Variants in AKAP11 observed in about 807,000 individuals in gnomAD.
AKAP11 encodes the protein A-kinase anchor protein 11.
AKAP11 carries 36 observed loss-of-function variants against 146.1 expected under a neutral mutation model. The observed-to-expected ratio is 0.25, with a 90% CI of 0.19 to 0.33. The LOEUF (loss-of-function observed/expected upper bound fraction) is 0.33. AKAP11 is among the 10% of genes least tolerant of loss of function. AKAP11 has a pLI of 1.00. For missense variants in AKAP11, 2,201 were observed against 2,197.0 expected, an observed-to-expected ratio of 1.00 and a Z score of -0.04; for synonymous variants, 780 against 786.5, an observed-to-expected ratio of 0.99 and a Z score of 0.14.
At position 42,299,591 on chromosome 13, in the gene AKAP11, A is replaced by G. The variant is rs758275477; in HGVS notation, c.845A>G (p.Tyr282Cys). The G allele has an allele frequency of 3.7e-6, 6 of 1,613,914 alleles. No homozygotes were observed. The highest frequency in any genetic ancestry group is 2.2e-5 in the South Asian group (2 of 91,084). ...ISEPWTQRSF[Y>C]RSSNASDKDS... ...GAGCCTTGGACCCAAAGGAGTTTCT[A>G]TAGGTCATCTAATGCTTCAGATAAA... The change falls in exon 8 of 13, where the codon TAT (tyrosine) becomes TGT (cysteine). Residue 282 changes from tyrosine to cysteine, a missense_variant. This residue lies in a region of AKAP11 where 331 missense variants were observed against 347.4 expected (regional missense o/e 0.95). Transcript: ENST00000025301.
At chr13:42,278,129 A>G (rs1366450289) in intron 1 of AKAP11, among the ~76,000 whole-genome samples, 1 of 152,194 alleles carries the variant, frequency 6.6e-6, no homozygotes, top group African/African-American at 2.4e-5. Flanking sequence ...CTGACCCAAA[A>G]TGTTAGTAAT....
chr13:42,293,084 A>G (rs1384860101), intron 4 of AKAP11, among the ~76,000 whole-genome samples: 1 of 152,188 alleles, frequency 6.6e-6, no homozygotes, highest in African/African-American at 2.4e-5. Flanking sequence ...ATATATCCAT[A>G]CTTCATCATC....
At position 42,302,782 on chromosome 13, in the gene AKAP11, G is replaced by T. The variant is rs144759802; in HGVS notation, c.4036G>T (p.Ala1346Ser). The T allele has an allele frequency of 6.8e-6, 11 of 1,613,962 alleles. No individual in the cohort carries two copies. The African/African-American group carries it at 1.5e-4, about 22-fold the overall frequency. ...CTGTGAAAGTGTGACAGATGAATAT[G>T]CAGGTCACCTTATTCAGATACTAAA... is the stretch of plus-strand genomic sequence containing the variant. ...PSCESVTDEY[A>S]GHLIQILKQE... is the part of the protein sequence containing the mutation. The change falls in exon 8 of 13, where the codon GCA becomes TCA. Residue 1346 changes from alanine (A) to serine (S), a missense_variant. Transcript: ENST00000025301.
chr13:42,292,983 A>C (rs1959286259), intron 4 of AKAP11, among the ~76,000 whole-genome samples: 1 of 152,210 alleles, frequency 6.6e-6, no homozygotes, highest in Non-Finnish European at 1.5e-5. Context: ...ATAAGATAAT[A>C]TACCTTGCTC....
chr13:42,298,334 A>G (rs578235749), intron 6 of AKAP11, among the ~76,000 whole-genome samples, 199 bp from the exon 7 acceptor site: 1 of 152,212 alleles, frequency 6.6e-6, no homozygotes, highest in Admixed American at 6.5e-5. Flanking sequence ...ATAAAAGAAG[A>G]TGGGAGAAAA....
rs377394232 is a variant in AKAP11, at chr13:42,300,061, G to T, written c.1315G>T (p.Ala439Ser). The change falls in exon 8 of 13, where the codon GCA (alanine) becomes TCA (serine). Residue 439 changes from alanine (A) to serine (S), a missense_variant. By Grantham distance (99) the Ala-to-Ser change is moderately conservative. Around this residue, in one of 3 missense-constraint regions of AKAP11, gnomAD observed 1,867 missense variants for 1,833.5 expected, o/e 1.02. Transcript: ENST00000025301. ...DAPDSPRPVK[A>S]SREDSGLFSP... ...TCCGGATTCTCCTCGCCCAGTGAAG[G>T]CATCAAGGGAAGATAGTGGTTTATT... 6 of 1,613,890 alleles carry T rather than the reference G, an allele frequency of 3.7e-6. No homozygotes were observed. Among genetic ancestry groups the T allele is most frequent in the Non-Finnish European group, 5.1e-6 (6 of 1,179,816 alleles).
At chr13:42,281,654 G>A (rs550243066) in intron 1 of AKAP11, among the ~76,000 whole-genome samples, 1 of 152,108 alleles carries the variant, frequency 6.6e-6, no homozygotes, top group African/African-American at 2.4e-5. Flanking sequence ...AAACACCCAT[G>A]ATTGTATCTA....
chr13:42,272,595 CGCGTGCTTAGTGTGTGTTCGTGGTGT>C (rs1168082061), intron 1 of AKAP11, among the ~76,000 whole-genome samples: 2 of 149,674 alleles, frequency 1.3e-5, no homozygotes, highest in Admixed American at 6.6e-5. Context: ...GTGCGTGGTG[CGCGTGCTTAGTGTGTGTTCGTGGTGT>C]GCGCACAGGA....
chr13:42,311,006 AAAG>A (rs1451255519), intron 9 of AKAP11, among the ~76,000 whole-genome samples: 1 of 136,668 alleles, frequency 7.3e-6, no homozygotes, highest in Non-Finnish European at 1.6e-5. Flanking sequence ...TTTGATCAGA[AAAG>A]AACTGGTCTC....
At chr13:42,271,749 A>G (rs1380277183), upstream of AKAP11, among the ~76,000 whole-genome samples, 1 of 152,036 alleles carries the variant, frequency 6.6e-6, no homozygotes, top group East Asian at 1.9e-4. Flanking sequence ...GGAAGCGCGC[A>G]AGACGTCCGC....
intron 3 of AKAP11, among the ~76,000 whole-genome samples, chr13:42,288,134 C>G (rs1019194686): frequency 4.6e-5 from 7 of 152,148 alleles, no homozygotes; most frequent in Non-Finnish European, 1.0e-4. Context: ...AGACACTTCC[C>G]TATTGGCTAC....
intron 3 of AKAP11, 80 bp from the exon 4 acceptor site, chr13:42,292,301 ACTAT>A (rs1594318301): frequency 8.5e-6 from 6 of 707,414 alleles, no homozygotes; most frequent in East Asian, 5.4e-5. Context: ...AGAATGAGTG[ACTAT>A]CTAAAACATC....
At chr13:42,305,144 T>C (rs1960185815) in intron 8 of AKAP11, among the ~76,000 whole-genome samples, 1 of 152,224 alleles carries the variant, frequency 6.6e-6, no homozygotes, top group Non-Finnish European at 1.5e-5. Flanking sequence ...CTTGTGTTAT[T>C]AGTTGATAGG....
rs113925210 is a variant in AKAP11 at position 42,300,415 on chromosome 13, C to T, written c.1669C>T (p.Leu557Phe). ...KDSIQKFAAD[L>F]VEKSFGSAFK... Reference sequence around the variant, plus strand: ...TAGCATTCAAAAATTTGCAGCAGATCTTGTGGAAAAAAGTTTTGGCAGTGC... The same window carrying T: ...TAGCATTCAAAAATTTGCAGCAGATTTTGTGGAAAAAAGTTTTGGCAGTGC... Residue 557 changes from leucine (L) to phenylalanine (F), a missense_variant, in exon 8 of 13, where the codon CTT (leucine) becomes TTT (phenylalanine). Physicochemically the swap from Leu to Phe is conservative, Grantham distance 22. Around this residue, in one of 3 missense-constraint regions of AKAP11, gnomAD observed 1,867 missense variants for 1,833.5 expected, o/e 1.02. Coordinates refer to ENST00000025301, the MANE Select transcript of AKAP11 (RefSeq NM_016248.4). 3.1e-6 allele frequency: 5 copies of T among 1,612,874 alleles called. No homozygotes were observed. The highest frequency in any genetic ancestry group is 4.2e-6 in the Non-Finnish European group (5 of 1,179,750).
chr13:42,312,773 G>C (rs1235021469), intron 9 of AKAP11, among the ~76,000 whole-genome samples: 1 of 152,134 alleles, frequency 6.6e-6, no homozygotes, highest in Non-Finnish European at 1.5e-5. Context: ...GCATTCATTT[G>C]CTGTCCTAAA....
chr13:42,313,921 G>A lies in AKAP11; in HGVS notation c.5385G>A (p.Glu1795=). 6.2e-7 allele frequency: 1 copy of A among 1,613,750 alleles called. No homozygotes were observed. Among genetic ancestry groups the A allele is most frequent in the Non-Finnish European group, 8.5e-7 (1 of 1,179,762 alleles). ...ATGGACCAGATGATAAAGATGAAGA[G>A]CATGAGGACGAAGTAGAAGGTAATT... ...DSDGPDDKDE[E]HEDEVEGLGQ... Residue 1795 remains glutamate, a synonymous_variant, in exon 11 of 13, where the codon GAG becomes GAA. Coordinates refer to ENST00000025301, the MANE Select transcript of AKAP11 (RefSeq NM_016248.4).
At chr13:42,286,976 A>G (rs1307487960) in intron 3 of AKAP11, among the ~76,000 whole-genome samples, 2 of 152,216 alleles carry the variant, frequency 1.3e-5, no homozygotes, top group Non-Finnish European at 2.9e-5. Context: ...AGTCTTTGTT[A>G]TTTCTTTTTC....
At position 42,303,900 on chromosome 13, in the gene AKAP11, TTAAAAAGA is replaced by T. The variant is rs759234721; in HGVS notation, c.5117+42_5117+49del. On this transcript the variant is annotated intron_variant, in intron 8 of 12. Transcript: ENST00000025301. ...GTTTCTTTTGGTTGTTAATGATAAA[TTAAAAAGA>T]TAAATGTGATCCTATATGTCTTAGG... 67 of 1,525,548 alleles carry T rather than the reference TTAAAAAGA, an allele frequency of 4.4e-5. No homozygotes were observed. In the East Asian group the frequency reaches 1.3e-3, roughly 30 times the overall value. The allele number at this position is 1,525,548 out of a possible 1,614,324, so 94.5% of individuals were successfully genotyped here.
In AKAP11 at chr13:42,303,357, T is replaced by C. The variant is rs200184358; in HGVS notation, c.4611T>C (p.Val1537=). Residue 1537 remains valine, a synonymous_variant, in exon 8 of 13, where the codon GTT becomes GTC. Transcript: ENST00000025301. ...LNGYGCGDNV[V]QAVEQYAKKV... ...GATATGGTTGTGGAGACAATGTTGT[T>C]CAAGCTGTAGAACAGTATGCCAAAA... is the stretch of plus-strand genomic sequence containing the variant. The C allele has an allele frequency of 2.7e-5, 43 of 1,612,852 alleles. No individual in the cohort carries two copies. Among genetic ancestry groups the C allele is most frequent in the Non-Finnish European group, 3.2e-5 (38 of 1,180,030 alleles).
Sources: allele counts gnomAD v4.1 joint callset (sites outside exome capture counted in the v4.1 genomes callset), GRCh38; gene constraint gnomAD v4.1.1; regional missense constraint gnomAD v4.1.1; transcripts MANE v1.5; gene names NCBI Gene and HGNC (gene_info 2026-07-23, HGNC 2026-07-21).